The following GALNT13 variants were observed in gnomAD, a reference collection of about 807,000 sequenced individuals.
The protein encoded by GALNT13 is polypeptide N-acetylgalactosaminyltransferase 13, also known as UDP-GalNAc:polypeptide N-acetylgalactosaminyltransferase 13.
In GALNT13, 28 loss-of-function variants were observed where a neutral mutation model predicts 64.2. That is an observed-to-expected ratio of 0.44 (90% CI 0.32 to 0.60). The LOEUF is 0.60. Ranked by LOEUF, GALNT13 falls within the 20% of genes least tolerant of loss-of-function variation. The probability of loss-of-function intolerance (pLI) is 0.05; values close to 1 mark genes in which losing one functional copy is unlikely to be tolerated. For synonymous variants in GALNT13, 214 were observed against 224.6 expected (o/e 0.95, Z 0.42); for missense variants, 577 against 669.8 (o/e 0.86, Z 1.53).
chr2:153,684,618 G>T, the GALNT13 span, among the ~76,000 whole-genome samples: 1 of 151,490 alleles, frequency 6.6e-6, no homozygotes, highest in South Asian at 2.1e-4. Context: ...CTTGTTGATG[G>T]TGTCAGAAGA....
At chr2:154,151,034 T>G (rs1683979374) in intron 4 of GALNT13, among the ~76,000 whole-genome samples, 1 of 152,200 alleles carries the variant, frequency 6.6e-6, no homozygotes, top group Non-Finnish European at 1.5e-5. Flanking sequence ...GGGGTCAATT[T>G]TGGATCTTTC....
chr2:153,369,355 G>A, the GALNT13 span, among the ~76,000 whole-genome samples: 18 of 151,996 alleles, frequency 1.2e-4, no homozygotes, highest in East Asian at 2.3e-3. Flanking sequence ...GAAAAAAATC[G>A]ATGAAACCAA....
intron 9 of GALNT13, among the ~76,000 whole-genome samples, chr2:154,346,058 C>T (rs1327101531): frequency 6.6e-6 from 1 of 151,718 alleles, no homozygotes; most frequent in African/African-American, 2.4e-5. Flanking sequence ...AGTATAGAAC[C>T]TTTAGTTCTG....
the GALNT13 span, among the ~76,000 whole-genome samples, chr2:153,077,189 T>TG: frequency 6.6e-6 from 1 of 152,052 alleles, no homozygotes; most frequent in Non-Finnish European, 1.5e-5. Context: ...TGACCTCAGG[T>TG]GATCCACCTA....
the GALNT13 span, among the ~76,000 whole-genome samples, chr2:153,763,533 T>C: frequency 6.6e-6 from 1 of 152,214 alleles, no homozygotes; most frequent in East Asian, 1.9e-4. Context: ...CCTGCCACCA[T>C]GTAAGACGTG....
chr2:154,435,173 G>A (rs919856889), intron 11 of GALNT13, among the ~76,000 whole-genome samples: 1 of 152,156 alleles, frequency 6.6e-6, no homozygotes, highest in African/African-American at 2.4e-5. Flanking sequence ...ATTGGTAACC[G>A]ATGATAAAGC....
At position 154,140,430 on chromosome 2, in the gene GALNT13, AAATC is replaced by A; in HGVS notation, c.242_245del (p.Asn81SerfsTer9). The A allele has an allele frequency of 6.2e-7, 1 of 1,612,930 alleles. No homozygotes were observed. Among genetic ancestry groups the A allele is most frequent in the Non-Finnish European group, 8.5e-7 (1 of 1,179,090 alleles). ...CAGGAGAAAATGAAAGAGCTGTTTA[AAATC>A]AATCAGTTTAACCTTATGGCCAGTG... On this transcript the variant is annotated frameshift_variant, in exon 4 of 13. Transcript: ENST00000392825. LOFTEE classifies it high-confidence loss of function.
the GALNT13 span, among the ~76,000 whole-genome samples, chr2:153,521,370 A>T: frequency 1.3e-5 from 2 of 152,178 alleles, no homozygotes; most frequent in Admixed American, 1.3e-4. Context: ...AAACTACATC[A>T]AATTTTTAAA....
the GALNT13 span, among the ~76,000 whole-genome samples, chr2:153,806,866 A>G: frequency 6.6e-6 from 1 of 152,050 alleles, no homozygotes; most frequent in Middle Eastern, 3.2e-3. Flanking sequence ...TGAATTTTTA[A>G]AAGTTAGTCA....
At chr2:153,273,156 A>G in the GALNT13 span, among the ~76,000 whole-genome samples, 2 of 152,186 alleles carry the variant, frequency 1.3e-5, no homozygotes, top group African/African-American at 4.8e-5. Context: ...GAGGGATAGC[A>G]TTAGTAGAAA....
the GALNT13 span, among the ~76,000 whole-genome samples, chr2:153,822,340 C>T: frequency 6.6e-6 from 1 of 152,114 alleles, no homozygotes; most frequent in African/African-American, 2.4e-5. Flanking sequence ...CAGCAAAATA[C>T]TAGCAAGCCA....
At chr2:154,002,470 C>A (rs1695976634) in intron 3 of GALNT13, among the ~76,000 whole-genome samples, 1 of 151,702 alleles carries the variant, frequency 6.6e-6, no homozygotes, top group South Asian at 2.1e-4. Flanking sequence ...GTTTTTAATT[C>A]ATTTATTGTA....
intron 4 of GALNT13, among the ~76,000 whole-genome samples, chr2:154,150,040 T>G (rs1194559119): frequency 6.6e-6 from 1 of 152,206 alleles, no homozygotes; most frequent in Non-Finnish European, 1.5e-5. Context: ...TTTTTGCCCA[T>G]TCAGTATGAT....
At chr2:154,288,905 G>A (rs1692437728) in intron 8 of GALNT13, among the ~76,000 whole-genome samples, 1 of 152,236 alleles carries the variant, frequency 6.6e-6, no homozygotes, top group African/African-American at 2.4e-5. Context: ...CTGGAGGACG[G>A]TGGCCCTCTT....
the GALNT13 span, among the ~76,000 whole-genome samples, chr2:153,727,325 A>G: frequency 2.0e-5 from 3 of 152,292 alleles, no homozygotes; most frequent in Admixed American, 1.3e-4. Context: ...GTAGTTGTAC[A>G]TCATTCATTC....
the GALNT13 span, among the ~76,000 whole-genome samples, chr2:153,386,329 G>A: frequency 6.6e-6 from 1 of 151,944 alleles, no homozygotes; most frequent in African/African-American, 2.4e-5. Context: ...AATTTTGAGG[G>A]AATTAAATAA....
chr2:153,553,218 G>C, the GALNT13 span, among the ~76,000 whole-genome samples: 2,134 of 152,348 alleles, frequency 0.014, 38 homozygotes, highest in Non-Finnish European at 0.02. Context: ...GATGTTGTAT[G>C]AAATTAGATG....
intron 9 of GALNT13, among the ~76,000 whole-genome samples, chr2:154,327,075 G>A (rs1272022079): frequency 2.6e-5 from 4 of 152,026 alleles, no homozygotes; most frequent in Non-Finnish European, 4.4e-5. Context: ...CCAGGTGGAG[G>A]TAATTGAATC....
the GALNT13 span, among the ~76,000 whole-genome samples, chr2:153,647,472 A>T: frequency 6.6e-6 from 1 of 152,188 alleles, no homozygotes; most frequent in Admixed American, 6.5e-5. Context: ...TAGTTTAATT[A>T]GATCCCATTT....
Sources: allele counts gnomAD v4.1 joint callset (sites outside exome capture counted in the v4.1 genomes callset), GRCh38; gene constraint gnomAD v4.1.1; transcripts MANE v1.5; gene names NCBI Gene and HGNC (gene_info 2026-07-23, HGNC 2026-07-21).